Variants in PAN3 observed in about 807,000 individuals in gnomAD.
PAN3 encodes the protein PAN2-PAN3 deadenylation complex subunit PAN3.
A neutral mutation model predicts 96.2 loss-of-function variants in PAN3; 19 were observed. The ratio of observed to expected loss-of-function variants is 0.20; its 90% CI spans 0.14 to 0.29. The LOEUF (loss-of-function observed/expected upper bound fraction) is 0.29. Among genes scored for constraint, PAN3 ranks in the 10% least tolerant of loss-of-function variants. PAN3 has a pLI of 1.00. For synonymous variants in PAN3, 433 were observed against 406.6 expected (o/e 1.06, Z -0.78); for missense variants, 882 against 1,108.1 (o/e 0.80, Z 2.90).
chr13:28,281,700 C>G (rs571868555), intron 17 of PAN3, among the ~76,000 whole-genome samples: 7 of 152,018 alleles, frequency 4.6e-5, no homozygotes, highest in Admixed American at 1.3e-4. Flanking sequence ...TAAGTTTACC[C>G]TGGTCAGTTT....
rs1359709459 is a variant in PAN3 at position 28,294,834 on chromosome 13, T to A, written c.*2312T>A. ...GTAATGCATATTTTTTTAAGCTTTG[T>A]TTTATATTTATTTTTCATTTAGTTT... On this transcript the variant is annotated 3_prime_UTR_variant, in exon 19 of 19. Transcript: ENST00000380958. 1 of 152,202 alleles carries A rather than the reference T, an allele frequency of 6.6e-6. No individual in the cohort carries two copies. The highest frequency in any genetic ancestry group is 1.5e-5 in the Non-Finnish European group (1 of 68,020). The allele number at this position is 152,202 out of a possible 1,614,324, so 9.4% of individuals were successfully genotyped here.
intron 6 of PAN3, among the ~76,000 whole-genome samples, chr13:28,227,388 G>T (rs1175983851): frequency 2.6e-5 from 4 of 152,062 alleles, no homozygotes; most frequent in Non-Finnish European, 5.9e-5. Flanking sequence ...CCATAATTAG[G>T]GGGTAGGGGC....
At chr13:28,207,156 T>C (rs1309492167) in intron 5 of PAN3, among the ~76,000 whole-genome samples, 1 of 152,242 alleles carries the variant, frequency 6.6e-6, no homozygotes, top group Non-Finnish European at 1.5e-5. Context: ...TAGACACTTA[T>C]TCACAACTAT....
chr13:28,138,620 C>T lies in PAN3; in HGVS notation c.-38C>T, dbSNP rs887553638. 4.7e-6 allele frequency: 2 copies of T among 421,502 alleles called. No homozygotes were observed. Among genetic ancestry groups the T allele is most frequent in the Non-Finnish European group, 7.6e-6 (2 of 263,092 alleles). The allele number at this position is 421,502 out of a possible 1,614,324, so 26.1% of individuals were successfully genotyped here. A position where few individuals can be genotyped will look rare whatever the true frequency, so the allele number is the denominator to read the frequency against. On this transcript the variant is annotated 5_prime_UTR_variant, in exon 1 of 19. Coordinates refer to ENST00000380958, the MANE Select transcript of PAN3 (RefSeq NM_175854.8). ...GTCTATGGTGGTGGCGGCGGCGGCT[C>T]CTCGGGCGGCGGCGGAAGACGAGGC...
intron 4 of PAN3, among the ~76,000 whole-genome samples, chr13:28,191,188 C>A (rs903553730): frequency 6.6e-6 from 1 of 152,156 alleles, no homozygotes; most frequent in Non-Finnish European, 1.5e-5. Flanking sequence ...AAATATTTCC[C>A]TTAAAATTGT....
At chr13:28,198,630 T>A (rs1018691663) in intron 5 of PAN3, among the ~76,000 whole-genome samples, 4 of 152,224 alleles carry the variant, frequency 2.6e-5, no homozygotes, top group Non-Finnish European at 5.9e-5. Context: ...TTTCCATTTT[T>A]AAAAAATTGA....
intron 1 of PAN3, among the ~76,000 whole-genome samples, chr13:28,141,401 TTAA>T (rs1423407104): frequency 7.2e-5 from 11 of 152,032 alleles, no homozygotes; most frequent in Non-Finnish European, 1.3e-4. Flanking sequence ...TATTTATCTA[TTAA>T]TCTTATTCCT....
chr13:28,211,773 C>T (rs1046952904), intron 5 of PAN3, among the ~76,000 whole-genome samples: 3 of 152,176 alleles, frequency 2.0e-5, no homozygotes, highest in African/African-American at 7.2e-5. Flanking sequence ...ACATATGTAA[C>T]AGCAGTTTTC....
Position 28,139,059 on chromosome 13 carries a change from C to T in PAN3, c.402C>T (p.Ser134=), listed in dbSNP as rs1006390503. 14 of 1,273,440 alleles carry T rather than the reference C, an allele frequency of 1.1e-5. No individual in the cohort carries two copies. The highest frequency in any genetic ancestry group is 1.3e-5 in the Non-Finnish European group (13 of 1,010,970). The allele number at this position is 1,273,440 out of a possible 1,614,324, so 78.9% of individuals were successfully genotyped here. A position where few individuals can be genotyped will look rare whatever the true frequency, so the allele number is the denominator to read the frequency against. The change falls in exon 1 of 19, where the codon AGC becomes AGT. Residue 134 remains serine (S), a synonymous_variant. Transcript: ENST00000380958. Reference sequence around the variant, plus strand: ...CCGCAGCCGGCGGAGGAGGCAGTAGCGGGGGACTCGATGGACCGCGGCTGG... The same window carrying T: ...CCGCAGCCGGCGGAGGAGGCAGTAGTGGGGGACTCGATGGACCGCGGCTGG... ...TGAAAGGGGS[S]GGLDGPRLAI...
chr13:28,165,541 T>G (rs1873430654), intron 1 of PAN3, among the ~76,000 whole-genome samples: 1 of 152,180 alleles, frequency 6.6e-6, no homozygotes, highest in African/African-American at 2.4e-5. Context: ...TGAATCAGTT[T>G]GCTTAACCAT....
chr13:28,223,735 G>T (rs1881662023), intron 6 of PAN3, among the ~76,000 whole-genome samples: 1 of 151,874 alleles, frequency 6.6e-6, no homozygotes, highest in Non-Finnish European at 1.5e-5. Context: ...GTAACACATA[G>T]CCTAAAGATA....
chr13:28,256,272 C>T lies in PAN3; in HGVS notation c.1001-20C>T, dbSNP rs1474684392. 1 of 1,601,910 alleles carries T rather than the reference C, an allele frequency of 6.2e-7. No individual in the cohort carries two copies. Among genetic ancestry groups the T allele is most frequent in the Non-Finnish European group, 8.5e-7 (1 of 1,173,880 alleles). On this transcript the variant is annotated intron_variant, in intron 6 of 18. Transcript: ENST00000380958. ...AACCAATTATTGCTCCATTAAGAAA[C>T]ATTTTTACATCTTCTTCAGGAATGT...
chr13:28,267,455 A>G lies in PAN3; in HGVS notation c.1792+54A>G. ...TTTGACTAATGCTTTTGCTCTGTGG[A>G]AGAGTAGTTTTCTATTTTAAAATAC... On this transcript the variant is annotated intron_variant, in intron 12 of 18. Transcript: ENST00000380958. 6.5e-6 allele frequency: 9 copies of G among 1,393,344 alleles called. No homozygotes were observed. In the East Asian group the frequency reaches 2.1e-4, roughly 33 times the overall value. The allele number at this position is 1,393,344 out of a possible 1,614,324, so 86.3% of individuals were successfully genotyped here. A position where few individuals can be genotyped will look rare whatever the true frequency, so the allele number is the denominator to read the frequency against.
intron 1 of PAN3, among the ~76,000 whole-genome samples, chr13:28,158,752 C>A (rs1259408711): frequency 6.6e-6 from 1 of 151,976 alleles, no homozygotes; most frequent in Non-Finnish European, 1.5e-5. Context: ...GTGGTGGGCG[C>A]CTGTAGTCCC....
intron 9 of PAN3, among the ~76,000 whole-genome samples, chr13:28,262,619 G>GA (rs943613206): frequency 5.4e-5 from 8 of 148,548 alleles, no homozygotes; most frequent in South Asian, 2.1e-4. Flanking sequence ...AGTTTAAAAA[G>GA]AAAAAAAAAT....
At chr13:28,252,249 T>C (rs1884800365) in intron 6 of PAN3, among the ~76,000 whole-genome samples, 1 of 151,224 alleles carries the variant, frequency 6.6e-6, no homozygotes, top group African/African-American at 2.4e-5. Context: ...TGTTGTGTTT[T>C]ATCTCACAGT....
intron 17 of PAN3, 94 bp from the exon 18 acceptor site, chr13:28,287,890 G>T: frequency 1.5e-6 from 2 of 1,297,452 alleles, no homozygotes; most frequent in South Asian, 1.8e-5. Context: ...TGTTTATTGG[G>T]AAAAAGTAAA....
intron 1 of PAN3, among the ~76,000 whole-genome samples, chr13:28,143,903 A>G (rs1659986518): frequency 6.6e-6 from 1 of 152,206 alleles, no homozygotes; most frequent in African/African-American, 2.4e-5. Context: ...GTTTAAGCCA[A>G]GACTAGCCTT....
At position 28,178,955 on chromosome 13, in the gene PAN3, T is replaced by C. The variant is rs529362555; in HGVS notation, c.690+1020T>C. 4.1e-3 allele frequency among the ~76,000 whole-genome samples: 617 copies of C among 152,144 alleles called. 7 individuals are homozygous for C. Among genetic ancestry groups the C allele is most frequent in the African/African-American group, 0.014 (583 of 41,486 alleles). Reference sequence around the variant, plus strand: ...GACCTCAATAAAGTGGTTTAAAAAATTCAGAAAGACTAGATTTTCTTAAGA... The same window carrying C: ...GACCTCAATAAAGTGGTTTAAAAAACTCAGAAAGACTAGATTTTCTTAAGA... On this transcript the variant is annotated intron_variant, in intron 4 of 18. Transcript: ENST00000380958.
Sources: allele counts gnomAD v4.1 joint callset (sites outside exome capture counted in the v4.1 genomes callset), GRCh38; gene constraint gnomAD v4.1.1; transcripts MANE v1.5; gene names NCBI Gene and HGNC (gene_info 2026-07-23, HGNC 2026-07-21).